The following HMGCLL1 variants were observed in gnomAD, a reference collection of about 807,000 sequenced individuals.
HMGCLL1 encodes 3-hydroxymethyl-3-methylglutaryl-CoA lyase, cytoplasmic.
HMGCLL1 carries 36 observed loss-of-function variants against 39.1 expected under a neutral mutation model. The observed-to-expected ratio is 0.92, with a 90% CI of 0.71 to 1.22. The LOEUF is 1.22. HMGCLL1 is among the 50% of genes most tolerant of loss of function. HMGCLL1 has a pLI of 0.00. For synonymous variants in HMGCLL1, 149 were observed against 144.0 expected, an observed-to-expected ratio of 1.03 and a Z score of -0.25; for missense variants, 451 against 416.5, an observed-to-expected ratio of 1.08 and a Z score of -0.72.
chr6:55,616,611 A>G, the HMGCLL1 span, among the ~76,000 whole-genome samples: 2 of 152,252 alleles, frequency 1.3e-5, no homozygotes, highest in East Asian at 1.9e-4. Flanking sequence ...TGTAATGCCT[A>G]CCATGTAATG....
the HMGCLL1 span, among the ~76,000 whole-genome samples, chr6:55,603,425 C>T: frequency 6.7e-6 from 1 of 150,078 alleles, no homozygotes; most frequent in Non-Finnish European, 1.5e-5. Context: ...TGTGAGCACT[C>T]TTGCTACACA....
chr6:55,450,874 A>G (rs930849373), intron 7 of HMGCLL1, among the ~76,000 whole-genome samples: 9 of 152,228 alleles, frequency 5.9e-5, no homozygotes, highest in African/African-American at 2.2e-4. Context: ...GAGAGACAAT[A>G]CATATATCCC....
the HMGCLL1 span, among the ~76,000 whole-genome samples, chr6:55,614,765 A>T: frequency 1.2e-4 from 18 of 152,116 alleles, no homozygotes; most frequent in Non-Finnish European, 1.8e-4. Context: ...TTAATCTTAA[A>T]GTTATAAAAC....
At chr6:55,617,423 T>C in the HMGCLL1 span, among the ~76,000 whole-genome samples, 2 of 152,008 alleles carry the variant, frequency 1.3e-5, no homozygotes, top group Non-Finnish European at 2.9e-5. Context: ...TTGGGAACCA[T>C]GCTAAATGAA....
At chr6:55,519,492 T>C (rs1391709629) in intron 3 of HMGCLL1, among the ~76,000 whole-genome samples, 1 of 152,180 alleles carries the variant, frequency 6.6e-6, no homozygotes, top group Admixed American at 6.6e-5. Context: ...TTGTGCTTGA[T>C]GCTATTTAGA....
intron 7 of HMGCLL1, among the ~76,000 whole-genome samples, chr6:55,466,357 C>T (rs1026557469): frequency 1.3e-5 from 2 of 152,006 alleles, no homozygotes; most frequent in African/African-American, 4.8e-5. Context: ...AACTGATGAC[C>T]AAGTTCCATT....
At chr6:55,489,815 A>G (rs3807018) in intron 7 of HMGCLL1, among the ~76,000 whole-genome samples, 42,501 of 151,990 alleles carry the variant, frequency 0.28, 7,376 homozygotes, top group Non-Finnish European at 0.37. Flanking sequence ...GATTAACTAT[A>G]TTTGTTTTGA....
At chr6:55,525,245 A>G (rs1768258927) in intron 3 of HMGCLL1, among the ~76,000 whole-genome samples, 1 of 151,922 alleles carries the variant, frequency 6.6e-6, no homozygotes, top group Admixed American at 6.6e-5. Flanking sequence ...GGCATAATGA[A>G]AAAAAGGATC....
At chr6:55,594,388 T>C in the HMGCLL1 span, among the ~76,000 whole-genome samples, 1 of 152,164 alleles carries the variant, frequency 6.6e-6, no homozygotes, top group Non-Finnish European at 1.5e-5. Flanking sequence ...TTTATCATTT[T>C]TAACCAAGAA....
chr6:55,554,996 C>A (rs150104215), intron 1 of HMGCLL1, among the ~76,000 whole-genome samples: 17 of 152,322 alleles, frequency 1.1e-4, no homozygotes, highest in African/African-American at 3.8e-4. Context: ...CTCTGCAAGG[C>A]AGAAAGCAGC....
At chr6:55,624,092 C>G in the HMGCLL1 span, among the ~76,000 whole-genome samples, 314 of 152,254 alleles carry the variant, frequency 2.1e-3, 1 homozygote, top group African/African-American at 7.1e-3. Flanking sequence ...TTCCCCAGTG[C>G]ATGCTTACCC....
chr6:55,610,615 G>T, the HMGCLL1 span, among the ~76,000 whole-genome samples: 1 of 152,058 alleles, frequency 6.6e-6, no homozygotes, highest in Non-Finnish European at 1.5e-5. Flanking sequence ...CACACTTCAG[G>T]ATATCATTCA....
the HMGCLL1 span, among the ~76,000 whole-genome samples, chr6:55,605,110 A>G: frequency 6.6e-6 from 1 of 152,218 alleles, no homozygotes; most frequent in Non-Finnish European, 1.5e-5. Context: ...TTCAGCTGGC[A>G]GTACTTACAA....
intron 3 of HMGCLL1, among the ~76,000 whole-genome samples, chr6:55,517,308 A>T (rs1042250720): frequency 2.0e-5 from 3 of 152,112 alleles, no homozygotes; most frequent in Non-Finnish European, 4.4e-5. Flanking sequence ...AAGTCTAAGA[A>T]TTAGCTTCTT....
chr6:55,479,284 G>T lies in HMGCLL1; in HGVS notation c.795+16135C>A, dbSNP rs549784152. On this transcript the variant is annotated intron_variant, in intron 7 of 8. Transcript: ENST00000274901. The stretch of plus-strand genomic sequence containing the variant: ...TCTAGTATCTGCTGAGAACAATTTT[G>T]CCAGTCCTGTTTTCTTAACCACAAC... Among the ~76,000 whole-genome samples, 8 of 151,616 alleles carry T rather than the reference G, an allele frequency of 5.3e-5. No individual in the cohort carries two copies. The East Asian group carries it at 1.4e-3, about 26-fold the overall frequency.
At chr6:55,621,205 G>A in the HMGCLL1 span, among the ~76,000 whole-genome samples, 2 of 152,132 alleles carry the variant, frequency 1.3e-5, no homozygotes, top group African/African-American at 2.4e-5. Context: ...TCTGTAGATG[G>A]CCTTGGGTAT....
intron 1 of HMGCLL1, among the ~76,000 whole-genome samples, chr6:55,562,687 C>T (rs1771008552): frequency 6.6e-6 from 1 of 152,106 alleles, no homozygotes; most frequent in African/African-American, 2.4e-5. Context: ...TACTGTTTTA[C>T]AGTCACAAGG....
intron 1 of HMGCLL1, among the ~76,000 whole-genome samples, chr6:55,545,794 T>C (rs1769930723): frequency 6.6e-6 from 1 of 151,664 alleles, no homozygotes; most frequent in African/African-American, 2.4e-5. Flanking sequence ...CTAAGCTCAT[T>C]AGAAAAAAAA....
chr6:55,677,545 A>G, the HMGCLL1 span, among the ~76,000 whole-genome samples: 1 of 152,184 alleles, frequency 6.6e-6, no homozygotes, highest in Non-Finnish European at 1.5e-5. Flanking sequence ...AGTATTTTGG[A>G]ACAAATTTCT....
Sources: gnomAD v4.1 joint callset for allele counts (sites outside exome capture counted in the v4.1 genomes callset) on GRCh38, gnomAD v4.1.1 for gene constraint, MANE v1.5 for transcripts, NCBI Gene and HGNC (gene_info 2026-07-23, HGNC 2026-07-21) for gene names.